SNX7: variants seen among roughly 807,000 people sequenced by gnomAD.
SNX7 encodes sorting nexin 7.
Under a neutral mutation model 48.4 loss-of-function variants are expected in SNX7, and 35 were observed. The observed-to-expected ratio is 0.72, with a 90% CI of 0.55 to 0.96. The LOEUF is 0.96. Ranked by LOEUF, SNX7 falls within the 40% of genes least tolerant of loss-of-function variation. The pLI, the probability that SNX7 is intolerant of heterozygous loss-of-function variation, is 0.00. For missense variants in SNX7, 553 were observed against 548.9 expected (o/e 1.01, Z -0.07); for synonymous variants, 190 against 190.2 (o/e 1.00, Z 0.01).
At chr1:98,729,551 A>G (rs113416584) in intron 7 of SNX7, among the ~76,000 whole-genome samples, 1 of 152,182 alleles carries the variant, frequency 6.6e-6, no homozygotes, top group East Asian at 1.9e-4. Flanking sequence ...AGAATCAAAT[A>G]GACACAATAA....
intron 6 of SNX7, among the ~76,000 whole-genome samples, chr1:98,699,214 T>C (rs1013121779): frequency 6.6e-6 from 1 of 152,080 alleles, no homozygotes; most frequent in Non-Finnish European, 1.5e-5. Flanking sequence ...GAAATTTTAC[T>C]TTAAAATTTT....
intron 1 of SNX7, among the ~76,000 whole-genome samples, chr1:98,683,636 G>GA (rs1650624581): frequency 6.6e-6 from 1 of 152,164 alleles, no homozygotes; most frequent in Non-Finnish European, 1.5e-5. Context: ...ACCAGACGCT[G>GA]AATCTGCTGA....
chr1:98,740,110 TG>T (rs1369137465), intron 8 of SNX7, among the ~76,000 whole-genome samples: 1 of 152,186 alleles, frequency 6.6e-6, no homozygotes, highest in Non-Finnish European at 1.5e-5. Context: ...TAGGTAGAAC[TG>T]GAAAGATCAT....
chr1:98,690,079 C>T (rs1275845740), intron 2 of SNX7, among the ~76,000 whole-genome samples: 3 of 152,062 alleles, frequency 2.0e-5, no homozygotes, highest in Non-Finnish European at 4.4e-5. Context: ...CATCTTATGA[C>T]TTGGACTGTT....
chr1:98,708,417 T>G (rs911744282), intron 7 of SNX7, among the ~76,000 whole-genome samples: 1 of 152,166 alleles, frequency 6.6e-6, no homozygotes, highest in Non-Finnish European at 1.5e-5. Flanking sequence ...GGAGTGGGAA[T>G]GTGGCCATCA....
At chr1:98,723,096 A>C (rs1283995152) in intron 7 of SNX7, among the ~76,000 whole-genome samples, 2 of 152,204 alleles carry the variant, frequency 1.3e-5, no homozygotes, top group Non-Finnish European at 2.9e-5. Context: ...AGACAAATAA[A>C]TAAAATAATT....
At chr1:98,754,707 G>A (rs975345231) in intron 8 of SNX7, among the ~76,000 whole-genome samples, 2 of 151,670 alleles carry the variant, frequency 1.3e-5, no homozygotes, top group Non-Finnish European at 2.9e-5. Context: ...CTTTTTTTAT[G>A]ATCAACATGG....
chr1:98,691,469 C>T (rs896875837), intron 3 of SNX7, 66 bp from the exon 4 acceptor site: 14 of 1,315,162 alleles, frequency 1.1e-5, no homozygotes, highest in South Asian at 3.5e-5. Context: ...ACAGGGAAAG[C>T]GTAGAATTGC....
intron 4 of SNX7, among the ~76,000 whole-genome samples, chr1:98,693,021 C>G (rs1038794223): frequency 6.6e-6 from 1 of 151,928 alleles, no homozygotes; most frequent in Non-Finnish European, 1.5e-5. Context: ...AAAAAATTTT[C>G]CAGTATATTT....
At chr1:98,720,709 G>T (rs1222394207) in intron 7 of SNX7, among the ~76,000 whole-genome samples, 1 of 152,030 alleles carries the variant, frequency 6.6e-6, no homozygotes, top group Admixed American at 6.6e-5. Context: ...GTCACATGTG[G>T]CTATTGGTAC....
At chr1:98,695,041 A>T (rs1014599273) in intron 4 of SNX7, among the ~76,000 whole-genome samples, 1 of 152,192 alleles carries the variant, frequency 6.6e-6, no homozygotes, top group Admixed American at 6.5e-5. Flanking sequence ...TAGTGCCCAG[A>T]ATGTATTAAG....
At chr1:98,752,012 C>A (rs913383625) in intron 8 of SNX7, among the ~76,000 whole-genome samples, 5 of 152,040 alleles carry the variant, frequency 3.3e-5, no homozygotes, top group Admixed American at 6.6e-5. Context: ...TAACTTTTTT[C>A]ACTCACTGTA....
intron 1 of SNX7, among the ~76,000 whole-genome samples, chr1:98,682,290 T>A (rs1352973390): frequency 6.6e-6 from 1 of 152,096 alleles, no homozygotes; most frequent in Non-Finnish European, 1.5e-5. Flanking sequence ...GTCCAGTGTA[T>A]ATGGGCTGTT....
At chr1:98,718,196 T>C (rs1434761822) in intron 7 of SNX7, among the ~76,000 whole-genome samples, 1 of 152,160 alleles carries the variant, frequency 6.6e-6, no homozygotes, top group Non-Finnish European at 1.5e-5. Context: ...GTCAAATTTT[T>C]AGTTACAATA....
At position 98,684,779 on chromosome 1, in the gene SNX7, A is replaced by G. The variant is rs189245476; in HGVS notation, c.181-106A>G. ...TATACCACATTTAACTAAAAGTCCA[A>G]TAATCCCTTTTGTTCTTGATATATT... On this transcript the variant is annotated intron_variant, in intron 1 of 8. Transcript: ENST00000306121. The G allele has an allele frequency of 7.4e-5, 60 of 809,448 alleles. No individual in the cohort carries two copies. The African/African-American group carries it at 8.6e-4, about 12-fold the overall frequency. 50.1% of individuals were successfully genotyped at this position (809,448 alleles called of 1,614,324 possible).
chr1:98,723,679 C>T (rs1436004899), intron 7 of SNX7, among the ~76,000 whole-genome samples: 2 of 151,974 alleles, frequency 1.3e-5, no homozygotes, highest in Non-Finnish European at 2.9e-5. Context: ...CATGGCAAAA[C>T]CCCATCCCTA....
intron 1 of SNX7, among the ~76,000 whole-genome samples, chr1:98,663,692 C>A (rs1441453644): frequency 6.6e-6 from 1 of 152,138 alleles, no homozygotes; most frequent in Non-Finnish European, 1.5e-5. Context: ...TGGCTCCAAT[C>A]ATTTATTGAG....
chr1:98,707,184 A>G (rs535998796), intron 7 of SNX7, among the ~76,000 whole-genome samples: 1 of 152,268 alleles, frequency 6.6e-6, no homozygotes, highest in South Asian at 2.1e-4. Flanking sequence ...AAAGAATTTG[A>G]TGTAGCTTTG....
chr1:98,750,445 A>G (rs1312500482), intron 8 of SNX7, among the ~76,000 whole-genome samples: 1 of 152,122 alleles, frequency 6.6e-6, no homozygotes, highest in African/African-American at 2.4e-5. Context: ...TGGGTGTTAA[A>G]ATATAAATGT....
Sources: allele counts gnomAD v4.1 joint callset (sites outside exome capture counted in the v4.1 genomes callset), GRCh38; gene constraint gnomAD v4.1.1; transcripts MANE v1.5; gene names NCBI Gene and HGNC (gene_info 2026-07-23, HGNC 2026-07-21).